Variants in ADAMTS19 observed in about 807,000 individuals in gnomAD.
The protein encoded by ADAMTS19 is A disintegrin and metalloproteinase with thrombospondin motifs 19.
ADAMTS19 carries 93 observed loss-of-function variants against 153.3 expected under a neutral mutation model. The observed-to-expected ratio is 0.61, with a 90% CI of 0.51 to 0.72. The LOEUF (loss-of-function observed/expected upper bound fraction) is 0.72, where lower values mean the gene tolerates loss of function less well. Ranked by LOEUF, ADAMTS19 falls within the 30% of genes least tolerant of loss-of-function variation. ADAMTS19 has a pLI of 0.00. For synonymous variants in ADAMTS19, 600 were observed against 556.6 expected (o/e 1.08, Z -1.10); for missense variants, 1,482 against 1,552.1 (o/e 0.95, Z 0.76).
At chr5:129,627,345 A>G (rs1219935797) in intron 10 of ADAMTS19, among the ~76,000 whole-genome samples, 2 of 151,974 alleles carry the variant, frequency 1.3e-5, no homozygotes, top group African/African-American at 4.8e-5. Flanking sequence ...TGAAAGAGAG[A>G]TTGATCAGCT....
intron 17 of ADAMTS19, 64 bp downstream of exon 17, chr5:129,679,985 G>A (rs1226895905): frequency 7.0e-7 from 1 of 1,427,122 alleles, no homozygotes; most frequent in South Asian, 1.5e-5. Flanking sequence ...TATTCCCAGT[G>A]CACTTCCTCT....
At chr5:129,653,848 G>A (rs1472326501) in intron 13 of ADAMTS19, among the ~76,000 whole-genome samples, 2 of 151,882 alleles carry the variant, frequency 1.3e-5, no homozygotes, top group Non-Finnish European at 2.9e-5. Flanking sequence ...ATAAATACTA[G>A]CACATTGAAA....
At chr5:129,637,170 C>G (rs1752567536) in intron 10 of ADAMTS19, among the ~76,000 whole-genome samples, 1 of 152,016 alleles carries the variant, frequency 6.6e-6, no homozygotes, top group Non-Finnish European at 1.5e-5. Flanking sequence ...TTCTTAGATG[C>G]CCTTTAATTA....
chr5:129,461,876 C>T lies in ADAMTS19; in HGVS notation c.747+119C>T, dbSNP rs192244000. On this transcript the variant is annotated intron_variant, in intron 2 of 22. Coordinates refer to ENST00000274487, the MANE Select transcript of ADAMTS19 (RefSeq NM_133638.6). This position sits in a 1 kb window ranked among gnomAD's most constrained non-coding sequence, Gnocchi z 4.6. The stretch of plus-strand genomic sequence containing the variant: ...CAGTGTGCTCCTTTTGAGCTTGGCC[C>T]TAGACTGCACCCCCAGGTGTCTACA... The T allele has an allele frequency of 1.5e-6, 2 of 1,351,258 alleles. No homozygotes were observed. The highest frequency in any genetic ancestry group is 2.0e-5 in the South Asian group (1 of 49,928). 83.7% of individuals were successfully genotyped at this position (1,351,258 alleles called of 1,614,324 possible). A position where few individuals can be genotyped will look rare whatever the true frequency, so the allele number is the denominator to read the frequency against.
At chr5:129,636,914 G>A (rs1752556602) in intron 10 of ADAMTS19, among the ~76,000 whole-genome samples, 1 of 152,038 alleles carries the variant, frequency 6.6e-6, no homozygotes, top group African/African-American at 2.4e-5. Context: ...AAGCAACTTT[G>A]GGGCAGATCT....
At chr5:129,539,236 A>G (rs1279016765) in intron 6 of ADAMTS19, among the ~76,000 whole-genome samples, 2 of 152,100 alleles carry the variant, frequency 1.3e-5, no homozygotes, top group African/African-American at 2.4e-5. Context: ...ATCCTGGCAT[A>G]TTTGAGTGGT....
In ADAMTS19 at chr5:129,520,203, CT is replaced by C. The variant is rs140539334; in HGVS notation, c.914-6077del. Among the ~76,000 whole-genome samples, 885 of 152,228 alleles carry C rather than the reference CT, an allele frequency of 5.8e-3. 30 individuals are homozygous for C. In the East Asian group the frequency reaches 0.089, roughly 15 times the overall value. On this transcript the variant is annotated intron_variant, in intron 3 of 22. Coordinates refer to ENST00000274487, the MANE Select transcript of ADAMTS19 (RefSeq NM_133638.6). ...CTGGTTTTCTTCAAAACTTTCTCTTCTTTTCCTTTAACCTTCTCATCCTCCA... is the reference window on the plus strand; with the variant it reads ...CTGGTTTTCTTCAAAACTTTCTCTTCTTTCCTTTAACCTTCTCATCCTCCA...
chr5:129,674,391 T>C (rs1008179808), intron 16 of ADAMTS19, among the ~76,000 whole-genome samples: 2 of 152,176 alleles, frequency 1.3e-5, no homozygotes, highest in African/African-American at 4.8e-5. Flanking sequence ...TTAACCAATG[T>C]CCTTAGTCCA....
chr5:129,496,874 C>G (rs1204201676), intron 2 of ADAMTS19, among the ~76,000 whole-genome samples: 1 of 151,998 alleles, frequency 6.6e-6, no homozygotes, highest in Non-Finnish European at 1.5e-5. Context: ...TAATATAGGT[C>G]AAAGTTAGTT....
chr5:129,620,494 C>A, intron 8 of ADAMTS19, 124 bp from the exon 9 acceptor site: 2 of 639,654 alleles, frequency 3.1e-6, no homozygotes, highest in Non-Finnish European at 4.5e-6. Context: ...AACTAATTTC[C>A]TTAAAACAAA....
At chr5:129,702,941 A>AAAAAAAAATATATATATATATATATAT in intron 20 of ADAMTS19, among the ~76,000 whole-genome samples, 6 of 29,308 alleles carry the variant, frequency 2.0e-4, no homozygotes, top group East Asian at 1.3e-3. Flanking sequence ...AAAAAAAAAA[A>AAAAAAAAATATATATATATATATATAT]ATATATATAT....
intron 19 of ADAMTS19, among the ~76,000 whole-genome samples, chr5:129,695,804 C>T (rs776023846): frequency 3.9e-5 from 6 of 152,088 alleles, no homozygotes; most frequent in Non-Finnish European, 8.8e-5. Context: ...TGTTGAAGCC[C>T]GGTGAGTTAG....
chr5:129,672,807 T>C (rs955695916), intron 16 of ADAMTS19, among the ~76,000 whole-genome samples: 1 of 71,148 alleles, frequency 1.4e-5, no homozygotes, highest in East Asian at 3.4e-4. Context: ...CAAGTCCAAA[T>C]CTACACACAC....
At chr5:129,540,944 C>T (rs968617339) in intron 6 of ADAMTS19, among the ~76,000 whole-genome samples, 3 of 152,052 alleles carry the variant, frequency 2.0e-5, no homozygotes, top group African/African-American at 7.2e-5. Context: ...TTTGAATCCA[C>T]ATGATCAAAG....
At chr5:129,462,050 A>AAG (rs1461655473) in intron 2 of ADAMTS19, among the ~76,000 whole-genome samples, 1 of 152,186 alleles carries the variant, frequency 6.6e-6, no homozygotes, top group African/African-American at 2.4e-5. Flanking sequence ...CCAATGGCTC[A>AAG]ACTTCTTTCT....
chr5:129,579,673 C>A (rs1749408559), intron 7 of ADAMTS19, among the ~76,000 whole-genome samples: 1 of 152,164 alleles, frequency 6.6e-6, no homozygotes, highest in Non-Finnish European at 1.5e-5. Flanking sequence ...GTTTTCCCAA[C>A]ACCGTTTATT....
At chr5:129,510,723 C>G (rs888607491) in intron 3 of ADAMTS19, among the ~76,000 whole-genome samples, 7 of 151,696 alleles carry the variant, frequency 4.6e-5, no homozygotes, top group African/African-American at 1.7e-4. Context: ...CTCATGTACT[C>G]TGATGACACA....
intron 2 of ADAMTS19, among the ~76,000 whole-genome samples, chr5:129,504,960 C>T (rs1751225650): frequency 6.6e-6 from 1 of 151,772 alleles, no homozygotes; most frequent in Non-Finnish European, 1.5e-5. Context: ...CACATATCGA[C>T]TGTTGTTAAT....
chr5:129,590,843 T>A (rs576618658), intron 7 of ADAMTS19, among the ~76,000 whole-genome samples: 5 of 152,334 alleles, frequency 3.3e-5, no homozygotes, highest in South Asian at 4.1e-4. Flanking sequence ...CATTAGTAGA[T>A]AAAATGAATT....
Sources: allele counts gnomAD v4.1 joint callset (sites outside exome capture counted in the v4.1 genomes callset), GRCh38; gene constraint gnomAD v4.1.1; non-coding constraint Gnocchi (gnomAD v3.1); transcripts MANE v1.5; gene names NCBI Gene and HGNC (gene_info 2026-07-23, HGNC 2026-07-21).